The following XKR4 variants were observed in gnomAD, a reference collection of about 807,000 sequenced individuals.
XKR4 encodes XK related 4.
In XKR4, 12 loss-of-function variants were observed where a neutral mutation model predicts 53.9. The observed-to-expected ratio is 0.22, with a 90% CI of 0.14 to 0.36. The LOEUF is 0.36. Among genes scored for constraint, XKR4 ranks in the 10% least tolerant of loss-of-function variants. XKR4 has a pLI of 1.00. For synonymous variants in XKR4, 354 were observed against 362.4 expected, an observed-to-expected ratio of 0.98 and a Z score of 0.26; for missense variants, 799 against 859.5, an observed-to-expected ratio of 0.93 and a Z score of 0.88.
rs1000383103 is a variant in XKR4 at position 55,451,277 on chromosome 8, T to C, written c.1007-72004T>C. ...CACAGGTCCAGACACTGCCCCCACTTACCTCGGGGTGCAGTCAGTCTGGAT... is the reference window on the plus strand; with the variant it reads ...CACAGGTCCAGACACTGCCCCCACTCACCTCGGGGTGCAGTCAGTCTGGAT... On this transcript the variant is annotated intron_variant, in intron 2 of 2. Transcript: ENST00000327381. The C allele has an allele frequency of 2.0e-5, 12 of 585,398 alleles. No homozygotes were observed. The East Asian group carries it at 3.2e-4, about 15-fold the overall frequency. The allele number at this position is 585,398 out of a possible 1,614,324, so 36.3% of individuals were successfully genotyped here.
intron 2 of XKR4, among the ~76,000 whole-genome samples, chr8:55,485,212 C>T (rs183587312): frequency 5.3e-4 from 81 of 152,254 alleles, no homozygotes; most frequent in African/African-American, 1.9e-3. Flanking sequence ...GCAAGATGTC[C>T]TCTGTGGCCA....
chr8:55,268,679 G>A (rs1429122836), intron 1 of XKR4, among the ~76,000 whole-genome samples: 1 of 152,060 alleles, frequency 6.6e-6, no homozygotes, highest in African/African-American at 2.4e-5. Context: ...CGTTTGTTGG[G>A]CACTTAAAAT....
intron 2 of XKR4, among the ~76,000 whole-genome samples, chr8:55,513,137 C>T (rs901081168): frequency 8.5e-5 from 13 of 152,142 alleles, no homozygotes; most frequent in African/African-American, 1.4e-4. Context: ...TCCAAGTCCA[C>T]GAAGCATGAA....
At chr8:55,311,829 CAAAAAA>C (rs57826022) in intron 1 of XKR4, among the ~76,000 whole-genome samples, 35,005 of 99,200 alleles carry the variant, frequency 0.35, 4,134 homozygotes, top group East Asian at 0.56. Context: ...TGTAATTTAG[CAAAAAA>C]AAAAAAAAAA....
At chr8:55,515,532 T>G (rs1163516071) in intron 2 of XKR4, among the ~76,000 whole-genome samples, 1 of 152,238 alleles carries the variant, frequency 6.6e-6, no homozygotes, top group Non-Finnish European at 1.5e-5. Flanking sequence ...GAAACCATTC[T>G]GGCTCTGGAT....
rs147958382 is a variant in XKR4 at position 55,480,545 on chromosome 8, T to A, written c.1007-42736T>A. Reference sequence around the variant, plus strand: ...CTATTCAACATGGTGCTGGAAGTTCTGGCCAGGGCAATCAGGCAGGAGAAG... The same window carrying A: ...CTATTCAACATGGTGCTGGAAGTTCAGGCCAGGGCAATCAGGCAGGAGAAG... On this transcript the variant is annotated intron_variant, in intron 2 of 2. Transcript: ENST00000327381. Among the ~76,000 whole-genome samples the A allele has an allele frequency of 8.9e-4, 136 of 152,236 alleles. 2 individuals are homozygous for A. Among genetic ancestry groups the A allele is most frequent in the African/African-American group, 2.8e-3 (116 of 41,518 alleles).
At chr8:55,225,164 A>G (rs916654390) in intron 1 of XKR4, among the ~76,000 whole-genome samples, 4 of 152,358 alleles carry the variant, frequency 2.6e-5, no homozygotes, top group African/African-American at 9.6e-5. Context: ...ATGACTATGC[A>G]TAATCCCGAT....
At chr8:55,445,546 C>T (rs1202157453) in intron 2 of XKR4, among the ~76,000 whole-genome samples, 2 of 152,038 alleles carry the variant, frequency 1.3e-5, no homozygotes, top group African/African-American at 4.8e-5. Context: ...AGAGAAAAGG[C>T]CCTAGAAATC....
At chr8:55,285,802 G>A (rs1818900326) in intron 1 of XKR4, among the ~76,000 whole-genome samples, 1 of 152,064 alleles carries the variant, frequency 6.6e-6, no homozygotes, top group African/African-American at 2.4e-5. Flanking sequence ...GGGCCCATAG[G>A]GGCAACTGTT....
intron 2 of XKR4, among the ~76,000 whole-genome samples, chr8:55,367,484 T>C (rs2939679): frequency 0.12 from 17,762 of 152,238 alleles, 1,107 homozygotes; most frequent in African/African-American, 0.15. Flanking sequence ...TCTGGGTTCA[T>C]ACCTAAGAGT....
At chr8:55,268,755 A>T (rs1818647155) in intron 1 of XKR4, among the ~76,000 whole-genome samples, 1 of 152,146 alleles carries the variant, frequency 6.6e-6, no homozygotes, top group African/African-American at 2.4e-5. Flanking sequence ...AGATCCCTGT[A>T]AGTGCCATAT....
At chr8:55,221,663 C>G (rs1017278533) in intron 1 of XKR4, among the ~76,000 whole-genome samples, 4 of 152,300 alleles carry the variant, frequency 2.6e-5, no homozygotes, top group East Asian at 3.9e-4. Context: ...CCCCATCGCT[C>G]TCTTCAGCAA....
At chr8:55,398,068 T>C (rs753249681) in intron 2 of XKR4, among the ~76,000 whole-genome samples, 7 of 152,334 alleles carry the variant, frequency 4.6e-5, no homozygotes, top group African/African-American at 4.8e-5. Flanking sequence ...AGATACAAAA[T>C]TTGTTTTTAT....
At chr8:55,445,539 G>A (rs761182514) in intron 2 of XKR4, among the ~76,000 whole-genome samples, 3 of 152,148 alleles carry the variant, frequency 2.0e-5, no homozygotes, top group Non-Finnish European at 4.4e-5. Flanking sequence ...CTCCCTAAGA[G>A]AAAAGGCCCT....
At chr8:55,195,771 A>G (rs1450026825) in intron 1 of XKR4, among the ~76,000 whole-genome samples, 1 of 152,178 alleles carries the variant, frequency 6.6e-6, no homozygotes, top group East Asian at 1.9e-4. Context: ...GCATATACAA[A>G]CAAATATTTG....
chr8:55,498,591 T>C (rs57258487), intron 2 of XKR4, among the ~76,000 whole-genome samples: 8,191 of 152,142 alleles, frequency 0.054, 654 homozygotes, highest in East Asian at 0.31. Flanking sequence ...CCAGCCTGGA[T>C]AACATGGCCA....
At chr8:55,111,394 A>G (rs562999316) in intron 1 of XKR4, among the ~76,000 whole-genome samples, 1 of 152,278 alleles carries the variant, frequency 6.6e-6, no homozygotes, top group Admixed American at 6.5e-5. Flanking sequence ...TATATGCACT[A>G]GAATGTCTAC....
chr8:55,213,987 G>T (rs1011571575), intron 1 of XKR4, among the ~76,000 whole-genome samples: 2 of 148,062 alleles, frequency 1.4e-5, no homozygotes, highest in Non-Finnish European at 3.0e-5. Flanking sequence ...TGAGTCTCCA[G>T]AGTAGTTGGG....
chr8:55,407,788 G>A (rs1156251976), intron 2 of XKR4, among the ~76,000 whole-genome samples: 1 of 152,238 alleles, frequency 6.6e-6, no homozygotes, highest in South Asian at 2.1e-4. Flanking sequence ...CAGTTAAGCA[G>A]TCTCATTGAA....
Sources: allele counts gnomAD v4.1 joint callset (sites outside exome capture counted in the v4.1 genomes callset), GRCh38; gene constraint gnomAD v4.1.1; transcripts MANE v1.5; gene names NCBI Gene and HGNC (gene_info 2026-07-23, HGNC 2026-07-21).